Variants in LOC128462377 observed in about 807,000 individuals in gnomAD.
the LOC128462377 span, among the ~76,000 whole-genome samples, chr16:89,375,617 T>C: frequency 2.0e-5 from 3 of 151,816 alleles, no homozygotes; most frequent in African/African-American, 7.3e-5. Flanking sequence ...CCACGCCCAG[T>C]TAATTTTTAA....
chr16:89,353,555 G>A, the LOC128462377 span, among the ~76,000 whole-genome samples: 13 of 149,362 alleles, frequency 8.7e-5, no homozygotes, highest in Admixed American at 6.7e-4. Flanking sequence ...TCGGCTCACT[G>A]CAACCTCCGC....
the LOC128462377 span, among the ~76,000 whole-genome samples, chr16:89,403,295 T>C: frequency 6.6e-6 from 1 of 152,166 alleles, no homozygotes; most frequent in African/African-American, 2.4e-5. Flanking sequence ...TGAGCAATCC[T>C]GTGTGGCCTG....
At chr16:89,325,467 T>TCACACACA in the LOC128462377 span, among the ~76,000 whole-genome samples, 6 of 140,604 alleles carry the variant, frequency 4.3e-5, no homozygotes, top group Middle Eastern at 0.014. Context: ...TCTCTCTCTC[T>TCACACACA]CTCACACACA....
the LOC128462377 span, among the ~76,000 whole-genome samples, chr16:89,383,996 G>C: frequency 8.7e-4 from 132 of 152,268 alleles, no homozygotes; most frequent in African/African-American, 2.9e-3. Flanking sequence ...GAGGCAGGCA[G>C]GTCACCTGAG....
chr16:89,376,872 T>A, the LOC128462377 span, among the ~76,000 whole-genome samples: 1 of 152,212 alleles, frequency 6.6e-6, no homozygotes, highest in Non-Finnish European at 1.5e-5. Flanking sequence ...AATGCTACTG[T>A]TTTGTGCAAA....
chr16:89,367,387 G>A, the LOC128462377 span, among the ~76,000 whole-genome samples: 11 of 152,336 alleles, frequency 7.2e-5, no homozygotes, highest in South Asian at 2.3e-3. Context: ...ACTGGGGAAA[G>A]GCCGGGGATG....
the LOC128462377 span, among the ~76,000 whole-genome samples, chr16:89,343,286 C>G: frequency 1.3e-5 from 2 of 152,232 alleles, no homozygotes; most frequent in East Asian, 3.8e-4. Flanking sequence ...AGCCACCGCA[C>G]TGGGCCTGAG....
the LOC128462377 span, among the ~76,000 whole-genome samples, chr16:89,381,065 G>A: frequency 6.6e-6 from 1 of 152,218 alleles, no homozygotes; most frequent in African/African-American, 2.4e-5. Context: ...GCTCAGGCCT[G>A]TCATCCCAGC....
At chr16:89,382,760 G>C in the LOC128462377 span, among the ~76,000 whole-genome samples, 1 of 152,194 alleles carries the variant, frequency 6.6e-6, no homozygotes, top group Non-Finnish European at 1.5e-5. Flanking sequence ...GATTATAGGT[G>C]TGAGTCAACT....
chr16:89,334,122 A>AAC, the LOC128462377 span, among the ~76,000 whole-genome samples: 1 of 148,222 alleles, frequency 6.7e-6, no homozygotes, highest in African/African-American at 2.5e-5. Context: ...CAGCCTGGGT[A>AAC]ACATGATGAA....
the LOC128462377 span, among the ~76,000 whole-genome samples, chr16:89,357,456 T>C: frequency 6.6e-6 from 1 of 151,492 alleles, no homozygotes; most frequent in Non-Finnish European, 1.5e-5. Flanking sequence ...AAAAAAACAG[T>C]GTGACGATTC....
the LOC128462377 span, among the ~76,000 whole-genome samples, chr16:89,353,141 A>C: frequency 6.6e-6 from 1 of 152,174 alleles, no homozygotes; most frequent in Non-Finnish European, 1.5e-5. Flanking sequence ...CAGGAGTTCA[A>C]GACCAGCCTG....
the LOC128462377 span, among the ~76,000 whole-genome samples, chr16:89,376,229 C>T: frequency 6.6e-6 from 1 of 152,026 alleles, no homozygotes; most frequent in African/African-American, 2.4e-5. Flanking sequence ...AAAAGTGAAG[C>T]CATTATACAA....
At chr16:89,332,174 A>C in the LOC128462377 span, among the ~76,000 whole-genome samples, 2 of 152,210 alleles carry the variant, frequency 1.3e-5, no homozygotes, top group Non-Finnish European at 2.9e-5. Flanking sequence ...CAGAAGCTGC[A>C]GAATGTGTCA....
the LOC128462377 span, among the ~76,000 whole-genome samples, chr16:89,369,071 C>T: frequency 1.3e-5 from 2 of 152,150 alleles, no homozygotes; most frequent in South Asian, 4.1e-4. Flanking sequence ...AGCAAGCCCA[C>T]AGCTGCCCTA....
At chr16:89,337,426 A>ATTTTTT in the LOC128462377 span, among the ~76,000 whole-genome samples, 32 of 43,746 alleles carry the variant, frequency 7.3e-4, 1 homozygote, top group South Asian at 1.1e-3. Flanking sequence ...GGTCTAAGCA[A>ATTTTTT]TTCTTTTTTT....
chr16:89,375,128 G>T, the LOC128462377 span, among the ~76,000 whole-genome samples: 5 of 152,020 alleles, frequency 3.3e-5, no homozygotes, highest in African/African-American at 1.2e-4. Flanking sequence ...ATACAACTCA[G>T]TGCGGGACAT....
At chr16:89,407,805 CG>C in the LOC128462377 span, among the ~76,000 whole-genome samples, 1 of 145,076 alleles carries the variant, frequency 6.9e-6, no homozygotes, top group African/African-American at 2.6e-5. Flanking sequence ...AGCCGTGATC[CG>C]GCCACTGCAC....
At chr16:89,367,786 T>C in the LOC128462377 span, among the ~76,000 whole-genome samples, 1 of 152,090 alleles carries the variant, frequency 6.6e-6, no homozygotes, top group East Asian at 1.9e-4. Context: ...TCTTGCAAAC[T>C]ATGACTTGTT....
Sources: gnomAD v4.1 joint callset for allele counts (sites outside exome capture counted in the v4.1 genomes callset) on GRCh38, gnomAD v4.1.1 for gene constraint, MANE v1.5 for transcripts.